Variants in XYLT1 observed in about 807,000 individuals in gnomAD.
XYLT1 encodes xylosyltransferase 1, also known as beta-D-xylosyltransferase 1.
A neutral mutation model predicts 91.3 loss-of-function variants in XYLT1; 36 were observed. The observed-to-expected ratio is 0.39, with a 90% confidence interval of 0.30 to 0.52. XYLT1 has a LOEUF of 0.52. Ranked by LOEUF, XYLT1 falls within the 20% of genes least tolerant of loss-of-function variation. XYLT1 has a pLI of 0.68. For missense variants in XYLT1, 1,242 were observed against 1,284.5 expected (o/e 0.97, Z 0.51); for synonymous variants, 588 against 532.0 (o/e 1.11, Z -1.45).
intron 2 of XYLT1, among the ~76,000 whole-genome samples, chr16:17,337,728 C>T (rs1168001451): frequency 5.9e-5 from 9 of 151,478 alleles, no homozygotes; most frequent in South Asian, 4.2e-4. Context: ...CACACATTCC[C>T]GATCTTATTT....
chr16:17,417,733 G>C (rs556901959), intron 1 of XYLT1, among the ~76,000 whole-genome samples: 1 of 152,306 alleles, frequency 6.6e-6, no homozygotes, highest in Non-Finnish European at 1.5e-5. Flanking sequence ...TTGAAGCCAA[G>C]ATGGCCTTAC....
intron 8 of XYLT1, among the ~76,000 whole-genome samples, chr16:17,135,090 A>ATAAATACAGCCTGCAGATGTATT (rs2030661752): frequency 6.6e-6 from 1 of 152,218 alleles, no homozygotes; most frequent in African/African-American, 2.4e-5. Context: ...TCTAGGGCAA[A>ATAAATACAGCCTGCAGATGTATT]TAAATACAGC....
intron 1 of XYLT1, among the ~76,000 whole-genome samples, chr16:17,398,808 A>C (rs2035923063): frequency 4.5e-5 from 4 of 89,298 alleles, no homozygotes; most frequent in Non-Finnish European, 7.2e-5. Flanking sequence ...GGCTATGTCC[A>C]AATGTCCCCG....
intron 9 of XYLT1, among the ~76,000 whole-genome samples, chr16:17,133,956 A>C (rs1388489538): frequency 6.6e-6 from 1 of 152,228 alleles, no homozygotes; most frequent in Non-Finnish European, 1.5e-5. Context: ...CATTATTAAA[A>C]TATTGATGGC....
intron 9 of XYLT1, among the ~76,000 whole-genome samples, chr16:17,131,648 A>C (rs1350630244): frequency 6.6e-6 from 1 of 152,164 alleles, no homozygotes. Flanking sequence ...GATTCTCTCA[A>C]CCTGCCATTT....
intron 5 of XYLT1, among the ~76,000 whole-genome samples, chr16:17,187,585 A>G (rs867878145): frequency 1.2e-4 from 18 of 150,522 alleles, no homozygotes; most frequent in East Asian, 1.9e-4. Flanking sequence ...AAAAAAAAAA[A>G]AAAGAAAGAT....
chr16:17,299,563 C>T (rs922919179), intron 2 of XYLT1, among the ~76,000 whole-genome samples: 5 of 152,224 alleles, frequency 3.3e-5, no homozygotes, highest in African/African-American at 1.2e-4. Flanking sequence ...CTCTGAATTG[C>T]TAGCGTCCCT....
intron 2 of XYLT1, among the ~76,000 whole-genome samples, chr16:17,354,498 T>C (rs1482767310): frequency 3.3e-5 from 5 of 152,108 alleles, no homozygotes; most frequent in Admixed American, 2.6e-4. Flanking sequence ...TGCACAGCCG[T>C]GTTCTAATGC....
chr16:17,262,483 A>G (rs2033738034), intron 2 of XYLT1, among the ~76,000 whole-genome samples: 1 of 152,218 alleles, frequency 6.6e-6, no homozygotes, highest in Admixed American at 6.5e-5. Context: ...AATAATGGGT[A>G]TCACCATCTT....
In XYLT1 at chr16:17,314,529, T is replaced by C. The variant is rs145608773; in HGVS notation, c.402+43483A>G. 4.1e-3 allele frequency among the ~76,000 whole-genome samples: 632 copies of C among 152,294 alleles called. 4 individuals carry two copies. Among genetic ancestry groups the C allele is most frequent in the Admixed American group, 7.3e-3 (112 of 15,292 alleles). ...TCCATGAATGGCAGCCATCCATCCA[T>C]CTGCTATCCAAGAGAACGCATACTG... On this transcript the variant is annotated intron_variant, in intron 2 of 11. Transcript: ENST00000261381.
intron 2 of XYLT1, among the ~76,000 whole-genome samples, chr16:17,330,933 G>A (rs1480289986): frequency 6.6e-6 from 1 of 152,200 alleles, no homozygotes; most frequent in Non-Finnish European, 1.5e-5. Flanking sequence ...TTGAATTGCT[G>A]AGATGAGGTT....
chr16:17,286,536 A>T (rs2034142701), intron 2 of XYLT1, among the ~76,000 whole-genome samples: 1 of 152,226 alleles, frequency 6.6e-6, no homozygotes, highest in South Asian at 2.1e-4. Flanking sequence ...CTTGATCAAC[A>T]CAGCACTAAA....
chr16:17,203,194 G>C lies in XYLT1; in HGVS notation c.914-2540C>G, dbSNP rs536136671. 4.6e-5 allele frequency among the ~76,000 whole-genome samples: 7 copies of C among 152,284 alleles called. No individual in the cohort carries two copies. The South Asian group carries it at 1.2e-3, about 27-fold the overall frequency. On this transcript the variant is annotated intron_variant, in intron 3 of 11. Transcript: ENST00000261381. Reference sequence around the variant, plus strand: ...GAAAAGTTTATAACAATTGCTTTTAGTTGCTTGTTGCTAACCAAATACTTT... The same window carrying C: ...GAAAAGTTTATAACAATTGCTTTTACTTGCTTGTTGCTAACCAAATACTTT...
intron 2 of XYLT1, among the ~76,000 whole-genome samples, chr16:17,346,404 G>T (rs2141851785): frequency 6.6e-6 from 1 of 152,200 alleles, no homozygotes; most frequent in Non-Finnish European, 1.5e-5. Flanking sequence ...GGCCAGGTGG[G>T]GACTTCTATG....
chr16:17,436,279 G>T (rs367783446), intron 1 of XYLT1, among the ~76,000 whole-genome samples: 1 of 152,162 alleles, frequency 6.6e-6, no homozygotes, highest in Non-Finnish European at 1.5e-5. Flanking sequence ...ACAATTACAC[G>T]GTCTAAGAGA....
chr16:17,118,001 T>TGAA (rs750699582), intron 10 of XYLT1, 22 bp from the exon 11 acceptor site: 1 of 1,594,802 alleles, frequency 6.3e-7, no homozygotes, highest in South Asian at 1.1e-5. Context: ...GAGTGAATTC[T>TGAA]GAAGTCACTG....
chr16:17,411,418 C>T (rs2036105918), intron 1 of XYLT1, among the ~76,000 whole-genome samples: 2 of 152,134 alleles, frequency 1.3e-5, no homozygotes, highest in Admixed American at 1.3e-4. Context: ...TGTCATTCTA[C>T]AAGGAATGCT....
At chr16:17,385,289 C>T (rs1004817449) in intron 1 of XYLT1, among the ~76,000 whole-genome samples, 5 of 151,442 alleles carry the variant, frequency 3.3e-5, no homozygotes, top group Admixed American at 2.7e-4. Context: ...CACACACACA[C>T]ACACACACAC....
At chr16:17,315,789 C>T (rs941803916) in intron 2 of XYLT1, among the ~76,000 whole-genome samples, 4 of 151,354 alleles carry the variant, frequency 2.6e-5, no homozygotes, top group African/African-American at 7.3e-5. Flanking sequence ...AGTCTGACTC[C>T]AAGGCTAGGC....
Sources: gnomAD v4.1 joint callset for allele counts (sites outside exome capture counted in the v4.1 genomes callset) on GRCh38, gnomAD v4.1.1 for gene constraint, MANE v1.5 for transcripts, NCBI Gene and HGNC (gene_info 2026-07-23, HGNC 2026-07-21) for gene names.